GAS7: variants seen among roughly 807,000 people sequenced by gnomAD.
GAS7 encodes the protein growth arrest specific 7, also known as growth arrest-specific protein 7.
GAS7 carries 28 observed loss-of-function variants against 71.1 expected under a neutral mutation model. The observed-to-expected ratio is 0.39, with a 90% CI of 0.29 to 0.54. GAS7 has a LOEUF of 0.54. Ranked by LOEUF, GAS7 falls within the 20% of genes least tolerant of loss-of-function variation. GAS7 has a pLI of 0.62. For synonymous variants in GAS7, 258 were observed against 245.8 expected, an observed-to-expected ratio of 1.05 and a Z score of -0.46; for missense variants, 436 against 627.8, an observed-to-expected ratio of 0.69 and a Z score of 3.27.
At chr17:9,918,141 C>T (rs565957216) in intron 12 of GAS7, 42 bp from the exon 13 acceptor site, 3 of 1,459,184 alleles carry the variant, frequency 2.1e-6, no homozygotes, top group East Asian at 4.5e-5. Flanking sequence ...AGCACGTCCC[C>T]TCCACTTGGG....
chr17:9,975,731 T>G (rs1276659789), intron 3 of GAS7, among the ~76,000 whole-genome samples: 1 of 152,174 alleles, frequency 6.6e-6, no homozygotes, highest in Non-Finnish European at 1.5e-5. Flanking sequence ...TTATTCAGAT[T>G]GAGTTTATTT....
chr17:9,963,388 T>C (rs1237639118), intron 4 of GAS7, among the ~76,000 whole-genome samples: 6 of 152,176 alleles, frequency 3.9e-5, no homozygotes, highest in African/African-American at 1.4e-4. Context: ...TTTGTAAATA[T>C]AGTAAAAAAC....
At chr17:10,049,917 G>T (rs1422286752) in intron 1 of GAS7, among the ~76,000 whole-genome samples, 1 of 152,036 alleles carries the variant, frequency 6.6e-6, no homozygotes, top group Non-Finnish European at 1.5e-5. Context: ...ACCGCGCCCG[G>T]TCTGAAATTA....
chr17:10,009,318 CAA>C (rs541133967), intron 2 of GAS7, among the ~76,000 whole-genome samples: 37 of 78,468 alleles, frequency 4.7e-4, no homozygotes, highest in East Asian at 1.5e-3. Context: ...GAGACTCCGT[CAA>C]AAAAAAAAAA....
intron 1 of GAS7, among the ~76,000 whole-genome samples, chr17:10,141,403 G>A (rs992882767): frequency 4.6e-5 from 7 of 151,858 alleles, no homozygotes; most frequent in Non-Finnish European, 8.8e-5. Flanking sequence ...AGGCAAGATC[G>A]CACCGGTGCA....
At chr17:10,032,225 A>G (rs772807767) in intron 1 of GAS7, among the ~76,000 whole-genome samples, 2 of 152,186 alleles carry the variant, frequency 1.3e-5, no homozygotes, top group African/African-American at 2.4e-5. Flanking sequence ...ACTCCTCCCA[A>G]TAGCCGGTTC....
At chr17:10,107,305 C>A (rs866847297) in intron 1 of GAS7, among the ~76,000 whole-genome samples, 7 of 152,200 alleles carry the variant, frequency 4.6e-5, no homozygotes, top group Admixed American at 2.0e-4. Flanking sequence ...CTCCATTAAC[C>A]TTTATAGGAA....
chr17:9,918,802 T>C (rs959410762), intron 12 of GAS7, among the ~76,000 whole-genome samples: 1 of 152,164 alleles, frequency 6.6e-6, no homozygotes, highest in Non-Finnish European at 1.5e-5. Context: ...GATCCGGCTG[T>C]TACTCTGCAT....
At chr17:10,170,864 G>C (rs1177688241) in intron 1 of GAS7, among the ~76,000 whole-genome samples, 2 of 152,200 alleles carry the variant, frequency 1.3e-5, no homozygotes, top group African/African-American at 2.4e-5. Context: ...CCTCGGAGGT[G>C]GTCTCTGAGC....
At chr17:9,935,188 C>T (rs541206365) in intron 8 of GAS7, among the ~76,000 whole-genome samples, 4 of 152,280 alleles carry the variant, frequency 2.6e-5, no homozygotes, top group Non-Finnish European at 4.4e-5. Context: ...AAGGCTCCCA[C>T]GGCCATCCTA....
intron 2 of GAS7, among the ~76,000 whole-genome samples, chr17:10,008,950 C>T (rs1041440904): frequency 6.6e-6 from 1 of 152,060 alleles, no homozygotes; most frequent in East Asian, 1.9e-4. Context: ...TTTATTAACA[C>T]GGAATTATCA....
chr17:10,161,619 T>C (rs1233333678), intron 1 of GAS7, among the ~76,000 whole-genome samples: 1 of 152,214 alleles, frequency 6.6e-6, no homozygotes, highest in Non-Finnish European at 1.5e-5. Context: ...AGCTGACTGC[T>C]CAACAGTTAA....
intron 1 of GAS7, among the ~76,000 whole-genome samples, chr17:10,162,338 G>A (rs60209220): frequency 0.2 from 29,719 of 152,118 alleles, 3,189 homozygotes; most frequent in African/African-American, 0.27. Flanking sequence ...CTCTCTCTAG[G>A]AGGGAGCTGT....
At chr17:9,977,753 G>A (rs1046796194) in intron 3 of GAS7, among the ~76,000 whole-genome samples, 8 of 151,560 alleles carry the variant, frequency 5.3e-5, no homozygotes, top group African/African-American at 1.9e-4. Context: ...GGTGGGGAAG[G>A]GGGGGGTTGG....
At chr17:10,166,963 G>A (rs1453453325) in intron 1 of GAS7, among the ~76,000 whole-genome samples, 2 of 151,292 alleles carry the variant, frequency 1.3e-5, no homozygotes, top group African/African-American at 4.9e-5. Flanking sequence ...CCCTGCTCTG[G>A]GACTTCACTC....
intron 3 of GAS7, among the ~76,000 whole-genome samples, chr17:9,970,138 G>C (rs1273894172): frequency 6.6e-6 from 1 of 152,080 alleles, no homozygotes; most frequent in Non-Finnish European, 1.5e-5. Flanking sequence ...AGTCGGGGCG[G>C]GGGGCTCTCC....
intron 1 of GAS7, among the ~76,000 whole-genome samples, chr17:10,055,782 G>A (rs1344270206): frequency 5.3e-5 from 8 of 152,166 alleles, no homozygotes; most frequent in Non-Finnish European, 7.3e-5. Flanking sequence ...CACATAACGC[G>A]CTCTGATATT....
At chr17:10,171,782 T>TACC (rs147039664) in intron 1 of GAS7, among the ~76,000 whole-genome samples, 1 of 152,090 alleles carries the variant, frequency 6.6e-6, no homozygotes, top group Non-Finnish European at 1.5e-5. Flanking sequence ...CTCTGAGCCT[T>TACC]TATCTGAGAA....
intron 8 of GAS7, among the ~76,000 whole-genome samples, chr17:9,939,508 G>C (rs531631305): frequency 6.6e-6 from 1 of 152,320 alleles, no homozygotes; most frequent in Admixed American, 6.5e-5. Flanking sequence ...TGGGCATCTA[G>C]AGGCTGCTGC....
Sources: gnomAD v4.1 joint callset for allele counts (sites outside exome capture counted in the v4.1 genomes callset) on GRCh38, gnomAD v4.1.1 for gene constraint, MANE v1.5 for transcripts, NCBI Gene and HGNC (gene_info 2026-07-23, HGNC 2026-07-21) for gene names.